The following RDM1 variants were observed in gnomAD, a reference collection of about 807,000 sequenced individuals.
RDM1 encodes the protein RAD52 motif containing 1, also known as RAD52 motif-containing protein 1.
A neutral mutation model predicts 27.7 loss-of-function variants in RDM1; 28 were observed. That is an observed-to-expected ratio of 1.01 (90% confidence interval 0.75 to 1.39). The LOEUF (loss-of-function observed/expected upper bound fraction) is 1.39. Among genes scored for constraint, RDM1 ranks in the 40% most tolerant of loss-of-function variants. The probability of loss-of-function intolerance (pLI) is 0.00; values close to 1 mark genes in which losing one functional copy is unlikely to be tolerated. For synonymous variants in RDM1, 124 were observed against 127.5 expected (o/e 0.97, Z 0.19); for missense variants, 277 against 337.3 (o/e 0.82, Z 1.40).
At position 35,920,451 on chromosome 17, in the gene RDM1, TC is replaced by T. The variant is rs1453150790; in HGVS notation, c.668-180del. ...CACTTCAGTTTTTTCTTTCTTTCTT[TC>T]TTTCTTTTTTTTTTTTTTTTTAGAA... On this transcript the variant is annotated intron_variant, in intron 5 of 6. Transcript: ENST00000620284. Among the ~76,000 whole-genome samples the T allele has an allele frequency of 8.1e-3, 1,175 of 144,436 alleles. 24 individuals carry two copies. The highest frequency in any genetic ancestry group is 0.03 in the African/African-American group (1,123 of 37,154). 94.8% of individuals were successfully genotyped at this position (144,436 alleles called of 152,430 possible).
At chr17:35,918,493 C>A (rs2088823225) in intron 6 of RDM1, 50 bp from the exon 7 acceptor site, 1 of 1,457,712 alleles carries the variant, frequency 6.9e-7, no homozygotes, top group South Asian at 1.1e-5. Context: ...ACATTACGGT[C>A]ATTCATTCCA....
chr17:35,918,382 C>G lies in RDM1; in HGVS notation c.815G>C (p.Ser272Thr), dbSNP rs749737177. ...QEEEGYLSDF[S>T]LEEEEFRLPE... Reference sequence around the variant, plus strand: ...CAGCCTGAACTCTTCCTCCTCCAAGCTGAAATCCGAGAGATACCCTTCCTC... The same window carrying G: ...CAGCCTGAACTCTTCCTCCTCCAAGGTGAAATCCGAGAGATACCCTTCCTC... The change falls in exon 7 of 7, where the codon AGC becomes ACC. Residue 272 changes from serine (S) to threonine (T), a missense_variant. Transcript: ENST00000620284. 5 of 1,614,102 alleles carry G rather than the reference C, an allele frequency of 3.1e-6. No homozygotes were observed. In the East Asian group the frequency reaches 1.1e-4, roughly 36 times the overall value.
intron 6 of RDM1, among the ~76,000 whole-genome samples, chr17:35,918,951 G>A (rs2088841152): frequency 6.6e-6 from 1 of 152,160 alleles, no homozygotes. Context: ...CAGATTAATG[G>A]TTTTACAATG....
intron 2 of RDM1, among the ~76,000 whole-genome samples, chr17:35,927,583 G>A (rs1034128249): frequency 6.6e-6 from 1 of 151,950 alleles, no homozygotes; most frequent in African/African-American, 2.4e-5. Context: ...AAAAAGACAG[G>A]AACTAAGTGT....
At chr17:35,926,961 C>A (rs1456715819) in intron 2 of RDM1, among the ~76,000 whole-genome samples, 1 of 151,886 alleles carries the variant, frequency 6.6e-6, no homozygotes, top group East Asian at 1.9e-4. Flanking sequence ...AGTTTTTAAA[C>A]GTTGAGTGCC....
intron 3 of RDM1, among the ~76,000 whole-genome samples, chr17:35,925,150 A>G (rs563771955): frequency 6.6e-6 from 1 of 152,278 alleles, no homozygotes; most frequent in Admixed American, 6.5e-5. Flanking sequence ...AAACAAAACA[A>G]AACAAAAACC....
chr17:35,928,941 G>A (rs1456965200), intron 2 of RDM1, among the ~76,000 whole-genome samples: 1 of 151,818 alleles, frequency 6.6e-6, no homozygotes, highest in Non-Finnish European at 1.5e-5. Flanking sequence ...CAGGTGTGGT[G>A]GCAGGCGCCT....
At chr17:35,921,660 A>T (rs2088948448) in intron 5 of RDM1, among the ~76,000 whole-genome samples, 1 of 152,248 alleles carries the variant, frequency 6.6e-6, no homozygotes, top group Admixed American at 6.5e-5. Context: ...TTCAGGAAAC[A>T]TAATCTAATA....
rs145219429 is a variant in RDM1 at position 35,927,024 on chromosome 17, C to T, written c.277-1387G>A. ...TCACAGTGGAGCCTTTCCAGACAAC[C>T]AGGAAGCTTCAGAAAAACTCTGAGC... On this transcript the variant is annotated intron_variant, in intron 2 of 6. Coordinates refer to ENST00000620284, the MANE Select transcript of RDM1 (RefSeq NM_145654.4). 4.8e-5 allele frequency among the ~76,000 whole-genome samples: 7 copies of T among 146,902 alleles called. No individual in the cohort carries two copies. The East Asian group carries it at 1.4e-3, about 29-fold the overall frequency.
intron 6 of RDM1, among the ~76,000 whole-genome samples, chr17:35,919,967 T>G (rs1197515758): frequency 6.6e-6 from 1 of 152,170 alleles, no homozygotes; most frequent in African/African-American, 2.4e-5. Flanking sequence ...ACTGTAGTAA[T>G]ACTCTGATAG....
At chr17:35,926,494 G>C (rs913894590) in intron 2 of RDM1, among the ~76,000 whole-genome samples, 3 of 151,870 alleles carry the variant, frequency 2.0e-5, no homozygotes, top group Non-Finnish European at 2.9e-5. Context: ...AGCTCCGCCT[G>C]CCAGGTTCAC....
chr17:35,929,866 G>A (rs948712102), intron 2 of RDM1, among the ~76,000 whole-genome samples: 4 of 152,180 alleles, frequency 2.6e-5, no homozygotes, highest in Admixed American at 1.3e-4. Context: ...TCAATCTCGA[G>A]TTTCCATAAT....
At position 35,930,695 on chromosome 17, in the gene RDM1, G is replaced by A. The variant is rs554074570; in HGVS notation, c.33C>T (p.Ile11=). ...ACACTAGCAAGGTTTTGTCACTCTC[G>A]ATGGGAACCGCAAAAGGTACCAACT... is the stretch of plus-strand genomic sequence containing the variant. The part of the protein sequence containing the change: MAELVPFAVP[I]ESDKTLLVWE... Residue 11 remains isoleucine (I), a synonymous_variant, in exon 1 of 7, where the codon ATC becomes ATT. Coordinates refer to ENST00000620284, the MANE Select transcript of RDM1 (RefSeq NM_145654.4). 5.3e-5 allele frequency: 85 copies of A among 1,613,896 alleles called. No individual in the cohort carries two copies. In the South Asian group the frequency reaches 8.9e-4, roughly 17 times the overall value.
intron 3 of RDM1, among the ~76,000 whole-genome samples, chr17:35,925,217 T>C (rs922570144): frequency 6.6e-6 from 1 of 152,178 alleles, no homozygotes; most frequent in African/African-American, 2.4e-5. Flanking sequence ...AAGCTAACAG[T>C]TGAGGTGTCC....
Position 35,924,697 on chromosome 17 carries a change from A to C in RDM1, c.475T>G (p.Phe159Val), listed in dbSNP as rs1325905335. 6.2e-7 allele frequency: 1 copy of C among 1,614,050 alleles called. No individual in the cohort carries two copies. The highest frequency in any genetic ancestry group is 1.3e-5 in the African/African-American group (1 of 74,916). Reference sequence around the variant, plus strand: ...AACACCACTTCTAAAGCACAGAAGAACTTCAGGCTTTGCTTCGGAAGTGGC... The same window carrying C: ...AACACCACTTCTAAAGCACAGAAGACCTTCAGGCTTTGCTTCGGAAGTGGC... The part of the protein sequence containing the change: ...MVPLPKQSLK[F>V]FCALEVVLPS... Residue 159 changes from phenylalanine (F) to valine (V), a missense_variant, in exon 4 of 7, where the codon TTC becomes GTC. Transcript: ENST00000620284.
chr17:35,921,855 C>T (rs1568388442), intron 5 of RDM1, among the ~76,000 whole-genome samples: 1 of 151,418 alleles, frequency 6.6e-6, no homozygotes, highest in Non-Finnish European at 1.5e-5. Flanking sequence ...GAGACTGCAG[C>T]TTAGAGATAT....
Position 35,927,547 on chromosome 17 carries a change from T to C in RDM1, c.277-1910A>G, listed in dbSNP as rs2089195020. 3.3e-5 allele frequency among the ~76,000 whole-genome samples: 5 copies of C among 152,302 alleles called. No homozygotes were observed. In the South Asian group the frequency reaches 8.3e-4, roughly 25 times the overall value. On this transcript the variant is annotated intron_variant, in intron 2 of 6. Transcript: ENST00000620284. ...TCCTTGATTTTATTTTAAAACATTA[T>C]TCTCTTTTCTGTATTTAGAAAGGCA... is the stretch of plus-strand genomic sequence containing the variant.
chr17:35,924,510 G>A (rs942002352), intron 4 of RDM1, 94 bp downstream of exon 4: 14 of 1,339,310 alleles, frequency 1.0e-5, no homozygotes, highest in Non-Finnish European at 1.3e-5. Flanking sequence ...GGCTTGATAT[G>A]TATCTGAAAA....
chr17:35,921,607 A>G (rs2088947259), intron 5 of RDM1, among the ~76,000 whole-genome samples: 1 of 152,252 alleles, frequency 6.6e-6, no homozygotes, highest in African/African-American at 2.4e-5. Flanking sequence ...ATACTTGCCC[A>G]ATGTGTCAGT....
Sources: allele counts gnomAD v4.1 joint callset (sites outside exome capture counted in the v4.1 genomes callset), GRCh38; gene constraint gnomAD v4.1.1; transcripts MANE v1.5; gene names NCBI Gene and HGNC (gene_info 2026-07-23, HGNC 2026-07-21).